The following TENT4A variants were observed in gnomAD, a reference collection of about 807,000 sequenced individuals.
TENT4A encodes DNA polymerase kappa.
In TENT4A, 7 loss-of-function variants were observed where a neutral mutation model predicts 72.8. The observed-to-expected ratio is 0.10, with a 90% CI of 0.05 to 0.18. TENT4A has a LOEUF of 0.18. Among genes scored for constraint, TENT4A ranks in the 10% least tolerant of loss-of-function variants. TENT4A has a pLI of 1.00. For missense variants in TENT4A, 831 were observed against 1,017.7 expected (o/e 0.82, Z 2.50); for synonymous variants, 456 against 434.3 (o/e 1.05, Z -0.62).
intron 1 of TENT4A, among the ~76,000 whole-genome samples, chr5:6,722,934 A>T (rs1470497135): frequency 6.6e-6 from 1 of 152,238 alleles, no homozygotes; most frequent in Non-Finnish European, 1.5e-5. Flanking sequence ...ACTTTTGAGC[A>T]CTTGAAATGT....
chr5:6,754,690 G>A (rs140826688), intron 12 of TENT4A, 61 bp from the exon 13 acceptor site: 14,638 of 1,367,018 alleles, frequency 0.011, 91 homozygotes, highest in Non-Finnish European at 0.013. Flanking sequence ...GTCACTGCCC[G>A]AGGACGTGGG....
At chr5:6,722,161 T>A (rs536500724) in intron 1 of TENT4A, among the ~76,000 whole-genome samples, 1 of 152,274 alleles carries the variant, frequency 6.6e-6, no homozygotes, top group South Asian at 2.1e-4. Context: ...CCATGGTTTC[T>A]AACTTGAGCC....
At position 6,714,780 on chromosome 5, in the gene TENT4A, G is replaced by A. The variant is rs1740279664; in HGVS notation, c.716+81G>A. The A allele has an allele frequency of 9.0e-6, 7 of 778,312 alleles. No individual in the cohort carries two copies. In the South Asian group the frequency reaches 4.5e-4, roughly 50 times the overall value. The allele number at this position is 778,312 out of a possible 1,614,324, so 48.2% of individuals were successfully genotyped here. A position where few individuals can be genotyped will look rare whatever the true frequency, so the allele number is the denominator to read the frequency against. ...GCCCGCGGTGCAGACACCCGTCCCAGGCGCCCGGGCTTTTGGAGGATGGAT... is the reference window on the plus strand; with the variant it reads ...GCCCGCGGTGCAGACACCCGTCCCAAGCGCCCGGGCTTTTGGAGGATGGAT... On this transcript the variant is annotated intron_variant, in intron 1 of 12. Coordinates refer to ENST00000230859, the MANE Select transcript of TENT4A (RefSeq NM_006999.6).
At chr5:6,740,070 T>C (rs1741717459) in intron 4 of TENT4A, among the ~76,000 whole-genome samples, 1 of 152,260 alleles carries the variant, frequency 6.6e-6, no homozygotes, top group Non-Finnish European at 1.5e-5. Context: ...TCTGAACTTT[T>C]GGGACTTGTG....
At chr5:6,738,411 C>T (rs372290560) in intron 2 of TENT4A, among the ~76,000 whole-genome samples, 4 of 152,204 alleles carry the variant, frequency 2.6e-5, no homozygotes, top group African/African-American at 9.7e-5. Context: ...GAAGCTAGCT[C>T]TGAAAAGTCC....
chr5:6,714,426 CCTT>C lies in TENT4A; in HGVS notation c.448_450del (p.Phe150del), dbSNP rs1740254441. ...CGGCCGGGCGGCGGCCGCGGCGGCG[CCTT>C]CTTCAACTTCGCCGACGGCGCGCCC... On this transcript the variant is annotated inframe_deletion, in exon 1 of 13. Coordinates refer to ENST00000230859, the MANE Select transcript of TENT4A (RefSeq NM_006999.6). The C allele has an allele frequency of 1.7e-6, 2 of 1,162,734 alleles. No individual in the cohort carries two copies. Among genetic ancestry groups the C allele is most frequent in the Non-Finnish European group, 2.1e-6 (2 of 943,948 alleles). 72.0% of individuals were successfully genotyped at this position (1,162,734 alleles called of 1,614,324 possible).
intron 1 of TENT4A, among the ~76,000 whole-genome samples, chr5:6,722,816 C>G (rs963477525): frequency 1.3e-5 from 2 of 151,952 alleles, no homozygotes; most frequent in Non-Finnish European, 2.9e-5. Flanking sequence ...AAATTAAGGG[C>G]CAGGGAACAT....
chr5:6,737,529 G>C lies in TENT4A; in HGVS notation c.736G>C (p.Asp246His). 6.2e-7 allele frequency: 1 copy of C among 1,612,484 alleles called. No individual in the cohort carries two copies. Among genetic ancestry groups the C allele is most frequent in the Non-Finnish European group, 8.5e-7 (1 of 1,179,254 alleles). The change falls in exon 2 of 13, where the codon GAC (aspartate) becomes CAC (histidine). Residue 246 changes from aspartate (D) to histidine (H), a missense_variant. Asp to His is a moderately conservative substitution (Grantham distance 81). Transcript: ENST00000230859. ...CATTAGACTACATGAGGAAATAATT[G>C]ACTTTTATAACTTCATGTCCCCTTG... ...GIQGLHEEIIDFYNFMSPCPE... is the reference protein window; with the variant it reads ...GIQGLHEEIIHFYNFMSPCPE...
At chr5:6,731,507 A>G (rs901624230) in intron 1 of TENT4A, among the ~76,000 whole-genome samples, 3 of 151,954 alleles carry the variant, frequency 2.0e-5, no homozygotes, top group African/African-American at 7.2e-5. Flanking sequence ...TTCAGAGTGC[A>G]GGTCCTCATA....
intron 11 of TENT4A, among the ~76,000 whole-genome samples, 179 bp from the exon 12 acceptor site, chr5:6,752,694 C>T (rs976505300): frequency 2.6e-5 from 4 of 152,320 alleles, no homozygotes; most frequent in African/African-American, 7.2e-5. Flanking sequence ...TTTTAGAATA[C>T]GAAGTATTTC....
At chr5:6,733,711 C>G (rs547597329) in intron 1 of TENT4A, among the ~76,000 whole-genome samples, 1 of 152,042 alleles carries the variant, frequency 6.6e-6, no homozygotes. Context: ...CTGTGGCAGA[C>G]TTTTTGGAGA....
chr5:6,721,892 G>C (rs1740669950), intron 1 of TENT4A, among the ~76,000 whole-genome samples: 1 of 152,232 alleles, frequency 6.6e-6, no homozygotes, highest in Non-Finnish European at 1.5e-5. Flanking sequence ...TAGGATGTGG[G>C]TGTTAGGTGA....
At chr5:6,720,001 C>G (rs1242721470) in intron 1 of TENT4A, among the ~76,000 whole-genome samples, 1 of 152,184 alleles carries the variant, frequency 6.6e-6, no homozygotes, top group African/African-American at 2.4e-5. Context: ...CTGTTATTGT[C>G]AGAATTCAGT....
chr5:6,726,358 G>T (rs1740919220), intron 1 of TENT4A, among the ~76,000 whole-genome samples: 2 of 152,156 alleles, frequency 1.3e-5, no homozygotes, highest in Admixed American at 1.3e-4. Flanking sequence ...TCATCAGGAG[G>T]CTTCCCGGGA....
intron 1 of TENT4A, among the ~76,000 whole-genome samples, chr5:6,724,137 G>T (rs533070830): frequency 2.6e-5 from 4 of 152,160 alleles, no homozygotes; most frequent in African/African-American, 9.7e-5. Context: ...TGCCCAAGGC[G>T]CTACTAGAAA....
intron 1 of TENT4A, among the ~76,000 whole-genome samples, chr5:6,729,612 T>C (rs570521412): frequency 9.8e-4 from 149 of 152,384 alleles, no homozygotes; most frequent in Non-Finnish European, 1.0e-4. Context: ...GTGGCTGCAC[T>C]GCCAGGCTGG....
At chr5:6,734,300 C>T (rs1741356050) in intron 1 of TENT4A, among the ~76,000 whole-genome samples, 1 of 152,258 alleles carries the variant, frequency 6.6e-6, no homozygotes, top group African/African-American at 2.4e-5. Context: ...GCCTTGCTGC[C>T]TGGCCCCCAA....
chr5:6,734,512 C>T (rs274692), intron 1 of TENT4A, among the ~76,000 whole-genome samples: 55,158 of 152,168 alleles, frequency 0.36, 10,071 homozygotes, highest in South Asian at 0.45. Flanking sequence ...TGGGGCACTT[C>T]GCCAGAGCCT....
chr5:6,742,277 A>G (rs1190522318), intron 4 of TENT4A, among the ~76,000 whole-genome samples: 1 of 152,098 alleles, frequency 6.6e-6, no homozygotes. Flanking sequence ...ATCCAGGGCT[A>G]CAGGGGCTGG....
Sources: gnomAD v4.1 joint callset for allele counts (sites outside exome capture counted in the v4.1 genomes callset) on GRCh38, gnomAD v4.1.1 for gene constraint, MANE v1.5 for transcripts, NCBI Gene and HGNC (gene_info 2026-07-23, HGNC 2026-07-21) for gene names.